CASR: variants seen among roughly 807,000 people sequenced by gnomAD.
CASR encodes the protein extracellular calcium-sensing receptor.
Under a neutral mutation model 69.1 loss-of-function variants are expected in CASR, and 23 were observed. That is an observed-to-expected ratio of 0.33 (90% CI 0.24 to 0.47). The LOEUF is 0.47. CASR is among the 20% of genes least tolerant of loss of function. The pLI, the probability that CASR is intolerant of heterozygous loss-of-function variation, is 1.00. For missense variants in CASR, 924 were observed against 1,356.1 expected (o/e 0.68, Z 5.00); for synonymous variants, 541 against 544.7 (o/e 0.99, Z 0.10).
intron 1 of CASR, among the ~76,000 whole-genome samples, chr3:122,248,686 A>G (rs2074452749): frequency 6.7e-6 from 1 of 149,976 alleles, no homozygotes; most frequent in African/African-American, 2.5e-5. Flanking sequence ...TTACTGAGTG[A>G]TTTTATGTTC....
In CASR at chr3:122,281,432, G is replaced by A. The variant is rs183967399; in HGVS notation, c.1609-681G>A. Among the ~76,000 whole-genome samples, 27 of 152,218 alleles carry A rather than the reference G, an allele frequency of 1.8e-4. No individual in the cohort carries two copies. The East Asian group carries it at 5.0e-3, about 28-fold the overall frequency. On this transcript the variant is annotated intron_variant, in intron 5 of 6. Coordinates refer to ENST00000639785, the MANE Select transcript of CASR (RefSeq NM_000388.4). ...CTCCAGTGCAAAGTTAAAGAGTAGT[G>A]GTGATAGTGGATATCCTTGTTTTAA...
chr3:122,184,008 T>C (rs969161949), intron 1 of CASR, among the ~76,000 whole-genome samples, 196 bp downstream of exon 1: 1 of 152,126 alleles, frequency 6.6e-6, no homozygotes, highest in African/African-American at 2.4e-5. Context: ...CGGGAACCCC[T>C]GGCTCGGCAC....
chr3:122,236,941 A>G (rs1178508795), intron 1 of CASR, among the ~76,000 whole-genome samples: 3 of 152,178 alleles, frequency 2.0e-5, no homozygotes, highest in Non-Finnish European at 4.4e-5. Context: ...CTGGCCTTTC[A>G]TTGCAGTGGT....
intron 5 of CASR, among the ~76,000 whole-genome samples, chr3:122,281,689 T>C (rs1264090108): frequency 1.3e-5 from 2 of 152,262 alleles, no homozygotes; most frequent in Non-Finnish European, 2.9e-5. Flanking sequence ...ATTTGTCTAA[T>C]ATTAGACTTT....
At chr3:122,281,548 C>T (rs1237447841) in intron 5 of CASR, among the ~76,000 whole-genome samples, 1 of 152,018 alleles carries the variant, frequency 6.6e-6, no homozygotes, top group Non-Finnish European at 1.5e-5. Flanking sequence ...ATATTTCTTC[C>T]CACTCCTTTT....
At chr3:122,193,204 GTGTTTGTTTGTT>G (rs35728846) in intron 1 of CASR, among the ~76,000 whole-genome samples, 1 of 140,358 alleles carries the variant, frequency 7.1e-6, no homozygotes, top group Non-Finnish European at 1.6e-5. Context: ...TTTTTTGTTT[GTGTTTGTTTGTT>G]TGTTTGTTTG....
chr3:122,277,520 G>A (rs545777645), intron 5 of CASR, among the ~76,000 whole-genome samples: 3 of 152,160 alleles, frequency 2.0e-5, no homozygotes, highest in South Asian at 4.1e-4. Flanking sequence ...ACAGTGTGCC[G>A]TTTTTAATAG....
chr3:122,263,919 T>TC (rs2107634387), intron 4 of CASR, among the ~76,000 whole-genome samples: 1 of 152,298 alleles, frequency 6.6e-6, no homozygotes, highest in East Asian at 1.9e-4. Context: ...GTTACTATTG[T>TC]CTTTTCTTTC....
At chr3:122,195,492 G>C (rs965010835) in intron 1 of CASR, among the ~76,000 whole-genome samples, 7 of 152,086 alleles carry the variant, frequency 4.6e-5, no homozygotes, top group Non-Finnish European at 1.0e-4. Flanking sequence ...CTTCTCTTTG[G>C]TGCCTCATTC....
chr3:122,226,701 C>T (rs2074226203), intron 1 of CASR, among the ~76,000 whole-genome samples: 1 of 152,172 alleles, frequency 6.6e-6, no homozygotes, highest in Non-Finnish European at 1.5e-5. Flanking sequence ...CTGAGCTAGA[C>T]ACAGAGTGCT....
intron 1 of CASR, among the ~76,000 whole-genome samples, chr3:122,238,941 C>G (rs565010386): frequency 6.6e-6 from 1 of 152,340 alleles, no homozygotes; most frequent in South Asian, 2.1e-4. Flanking sequence ...AGGTAGTGTG[C>G]CATGGGCTTT....
At chr3:122,235,442 T>C (rs1233819906) in intron 1 of CASR, among the ~76,000 whole-genome samples, 2 of 152,198 alleles carry the variant, frequency 1.3e-5, no homozygotes, top group Non-Finnish European at 2.9e-5. Flanking sequence ...TTTCCTGGAA[T>C]ACTGGTTTCA....
rs2075012214 is a variant in CASR, at chr3:122,291,572, T to G, written c.*6381T>G. On this transcript the variant is annotated 3_prime_UTR_variant, in exon 7 of 7. Transcript: ENST00000639785. ...TAGGATTTTCTAAATTTTTCCCAAG[T>G]TTTGTATATTAAGCACAAAATTATA... 1 of 152,202 alleles carries G rather than the reference T, an allele frequency of 6.6e-6. No homozygotes were observed. The highest frequency in any genetic ancestry group is 1.5e-5 in the Non-Finnish European group (1 of 68,040). The allele number at this position is 152,202 out of a possible 1,614,324, so 9.4% of individuals were successfully genotyped here.
intron 1 of CASR, among the ~76,000 whole-genome samples, chr3:122,191,024 A>C (rs2073834705): frequency 6.6e-6 from 1 of 152,226 alleles, no homozygotes; most frequent in Non-Finnish European, 1.5e-5. Context: ...CACCTTATAC[A>C]GATTTCACAG....
At chr3:122,259,298 T>C (rs1275578934) in intron 3 of CASR, among the ~76,000 whole-genome samples, 1 of 152,214 alleles carries the variant, frequency 6.6e-6, no homozygotes, top group African/African-American at 2.4e-5. Flanking sequence ...TGGATGGATT[T>C]TTTAAAATGG....
intron 1 of CASR, among the ~76,000 whole-genome samples, chr3:122,193,492 C>T (rs2073858761): frequency 6.6e-6 from 1 of 152,160 alleles, no homozygotes; most frequent in Non-Finnish European, 1.5e-5. Context: ...GCTGGGATTA[C>T]AGGCATGAGC....
At chr3:122,256,477 ATTC>A (rs141259107) in intron 2 of CASR, among the ~76,000 whole-genome samples, 43,410 of 151,864 alleles carry the variant, frequency 0.29, 7,397 homozygotes, top group East Asian at 0.55. Context: ...GCAATCTTTT[ATTC>A]TTCTTTTTAT....
chr3:122,261,112 C>T (rs1477532216), intron 3 of CASR, among the ~76,000 whole-genome samples: 2 of 152,128 alleles, frequency 1.3e-5, no homozygotes, highest in African/African-American at 4.8e-5. Flanking sequence ...AGAAGCTGAG[C>T]CCAACAAGCC....
Position 122,253,753 on chromosome 3 carries a change from T to A in CASR, c.-242-195T>A, listed in dbSNP as rs953997784. 2.0e-5 allele frequency among the ~76,000 whole-genome samples: 3 copies of A among 152,210 alleles called. No individual in the cohort carries two copies. In the South Asian group the frequency reaches 6.2e-4, roughly 32 times the overall value. ...GACCTCTCATAACCTAACATAGTTC[T>A]TCCCCAATATGGGCAATTGACGTTT... On this transcript the variant is annotated intron_variant, in intron 1 of 6. Coordinates refer to ENST00000639785, the MANE Select transcript of CASR (RefSeq NM_000388.4).
Sources: gnomAD v4.1 joint callset for allele counts (sites outside exome capture counted in the v4.1 genomes callset) on GRCh38, gnomAD v4.1.1 for gene constraint, MANE v1.5 for transcripts, NCBI Gene and HGNC (gene_info 2026-07-23, HGNC 2026-07-21) for gene names.